The following TMCO4 variants were observed in gnomAD, a reference collection of about 807,000 sequenced individuals.
TMCO4 encodes transmembrane and coiled-coil domain-containing protein 4.
TMCO4 carries 58 observed loss-of-function variants against 64.7 expected under a neutral mutation model. The observed-to-expected ratio is 0.90, with a 90% CI of 0.73 to 1.12. TMCO4 has a LOEUF of 1.12. Ranked by LOEUF, TMCO4 falls within the 50% of genes most tolerant of loss-of-function variation. The probability of loss-of-function intolerance (pLI) is 0.00; values close to 1 mark genes in which losing one functional copy is unlikely to be tolerated. For synonymous variants in TMCO4, 325 were observed against 346.1 expected (o/e 0.94, Z 0.68); for missense variants, 780 against 825.9 (o/e 0.94, Z 0.68).
intron 15 of TMCO4, 41 bp from the exon 16 acceptor site, chr1:19,683,485 A>T: frequency 6.2e-7 from 1 of 1,602,610 alleles, no homozygotes; most frequent in Non-Finnish European, 8.5e-7. Flanking sequence ...GGGTGTGCAG[A>T]GCCCAGCCCT....
intron 6 of TMCO4, among the ~76,000 whole-genome samples, chr1:19,768,874 T>C (rs1165905226): frequency 2.0e-5 from 3 of 152,158 alleles, no homozygotes; most frequent in Non-Finnish European, 4.4e-5. Flanking sequence ...CCGATGCTGC[T>C]GGGTCCACAT....
chr1:19,789,356 T>C (rs2043911623), intron 2 of TMCO4, among the ~76,000 whole-genome samples: 1 of 151,442 alleles, frequency 6.6e-6, no homozygotes, highest in Non-Finnish European at 1.5e-5. Flanking sequence ...GAGCCAAGTA[T>C]GCTCTTGAAT....
intron 6 of TMCO4, among the ~76,000 whole-genome samples, chr1:19,768,068 G>A (rs2042816979): frequency 6.6e-6 from 1 of 150,918 alleles, no homozygotes; most frequent in African/African-American, 2.4e-5. Context: ...ACTCCAGCCT[G>A]GCGGACAAGA....
intron 7 of TMCO4, among the ~76,000 whole-genome samples, chr1:19,748,045 T>C (rs1393001378): frequency 6.6e-6 from 1 of 152,238 alleles, no homozygotes; most frequent in Non-Finnish European, 1.5e-5. Context: ...GGGCTTCTTA[T>C]ATCTCAGCCA....
At chr1:19,738,896 ACAC>A (rs1418990674) in intron 12 of TMCO4, among the ~76,000 whole-genome samples, 1 of 152,230 alleles carries the variant, frequency 6.6e-6, no homozygotes, top group Non-Finnish European at 1.5e-5. Context: ...GGCCAGTGAG[ACAC>A]CAACTGAAAT....
In TMCO4 at chr1:19,710,852, C is replaced by G. The variant is rs78171836; in HGVS notation, c.1265-9967G>C. On this transcript the variant is annotated intron_variant, in intron 13 of 15. Coordinates refer to ENST00000294543, the MANE Select transcript of TMCO4 (RefSeq NM_181719.7). ...TAGAATTTCCTAAAAGATTAATATC[C>G]CGATGTATAGACCCGGCCAAGAGCA... Among the ~76,000 whole-genome samples the G allele has an allele frequency of 2.9e-3, 434 of 152,268 alleles. 8 individuals are homozygous for G. The East Asian group carries it at 0.035, about 12-fold the overall frequency.
intron 2 of TMCO4, among the ~76,000 whole-genome samples, chr1:19,797,861 CAA>C (rs554180355): frequency 9.0e-5 from 4 of 44,284 alleles, no homozygotes; most frequent in Admixed American, 2.8e-4. Context: ...GAGACTCTGT[CAA>C]AAAAAAAAAA....
At chr1:19,766,916 C>G (rs2042761436) in intron 6 of TMCO4, among the ~76,000 whole-genome samples, 1 of 152,160 alleles carries the variant, frequency 6.6e-6, no homozygotes, top group Admixed American at 6.5e-5. Flanking sequence ...GTCTACCTAC[C>G]TCTGATCTCT....
At chr1:19,716,578 G>C (rs1010057498) in intron 13 of TMCO4, among the ~76,000 whole-genome samples, 3 of 151,678 alleles carry the variant, frequency 2.0e-5, no homozygotes, top group Admixed American at 6.6e-5. Context: ...ACAGATAAAG[G>C]GTCAGTAGAA....
intron 12 of TMCO4, among the ~76,000 whole-genome samples, chr1:19,737,886 G>T (rs2095462886): frequency 6.6e-6 from 1 of 152,214 alleles, no homozygotes; most frequent in Admixed American, 6.5e-5. Flanking sequence ...AGGTGTGAGG[G>T]GTAAAAAGGC....
chr1:19,778,170 C>A (rs147229038), intron 4 of TMCO4, among the ~76,000 whole-genome samples: 158 of 152,320 alleles, frequency 1.0e-3, no homozygotes, highest in South Asian at 6.0e-3. Context: ...AGCAAGCAAC[C>A]ACTACCATTT....
At chr1:19,780,857 G>T in intron 3 of TMCO4, 91 bp from the exon 4 acceptor site, 1 of 1,074,734 alleles carries the variant, frequency 9.3e-7, no homozygotes, top group Non-Finnish European at 1.3e-6. Flanking sequence ...ATAAAAGGTT[G>T]ATAAAGTAGG....
chr1:19,799,794 G>A (rs1302991294), intron 1 of TMCO4, 61 bp downstream of exon 1: 1 of 152,084 alleles, frequency 6.6e-6, no homozygotes, highest in African/African-American at 2.4e-5. Flanking sequence ...GGGGCCGGCG[G>A]GGAGTGGCCC....
intron 7 of TMCO4, among the ~76,000 whole-genome samples, chr1:19,749,834 C>G (rs958103776): frequency 1.3e-5 from 2 of 152,196 alleles, no homozygotes; most frequent in East Asian, 3.8e-4. Flanking sequence ...AAAGTATGAA[C>G]AAGAAATACA....
Position 19,784,766 on chromosome 1 carries a change from C to T in TMCO4, c.-9+2260G>A, listed in dbSNP as rs573135919. 3.6e-5 allele frequency among the ~76,000 whole-genome samples: 3 copies of T among 83,694 alleles called. No homozygotes were observed. In the Admixed American group the frequency reaches 3.6e-4, roughly 10 times the overall value. 54.9% of individuals were successfully genotyped at this position (83,694 alleles called of 152,430 possible). A position where few individuals can be genotyped will look rare whatever the true frequency, so the allele number is the denominator to read the frequency against. On this transcript the variant is annotated intron_variant, in intron 3 of 15. Transcript: ENST00000294543. ...CTAAGAGGGGTGTCCAATCTTTTGG[C>T]TTCCCTGGGCTACACTGGAAGAAGA...
chr1:19,726,789 T>C (rs957148594), intron 13 of TMCO4, among the ~76,000 whole-genome samples: 4 of 152,226 alleles, frequency 2.6e-5, no homozygotes, highest in Middle Eastern at 3.4e-3. Context: ...AAGGAATCAG[T>C]TGATCTTACA....
chr1:19,789,193 G>A (rs2043903410), intron 2 of TMCO4, among the ~76,000 whole-genome samples: 1 of 152,150 alleles, frequency 6.6e-6, no homozygotes, highest in African/African-American at 2.4e-5. Context: ...CCTGAGTTGA[G>A]AAGCTCGAGA....
intron 6 of TMCO4, among the ~76,000 whole-genome samples, chr1:19,759,198 C>A (rs925931195): frequency 6.6e-6 from 1 of 151,980 alleles, no homozygotes; most frequent in South Asian, 2.1e-4. Flanking sequence ...TTCCCTGTCC[C>A]GACATGTAAC....
chr1:19,683,380 G>T lies in TMCO4; in HGVS notation c.1565C>A (p.Thr522Asn), dbSNP rs758112231. ...CCCCTTCTCGTCCCAGCCTGGCTTG[G>T]TGCGGATGCCCACGGCCTTCAGGAT... ...DAILKAVGIRTKPGWDEKGLL... is the reference protein window; with the variant it reads ...DAILKAVGIRNKPGWDEKGLL... The change falls in exon 16 of 16, where the codon ACC becomes AAC. Residue 522 changes from threonine to asparagine, a missense_variant. Coordinates refer to ENST00000294543, the MANE Select transcript of TMCO4 (RefSeq NM_181719.7). 8.7e-6 allele frequency: 14 copies of T among 1,613,730 alleles called. No individual in the cohort carries two copies. The South Asian group carries it at 1.5e-4, about 18-fold the overall frequency.
Sources: allele counts gnomAD v4.1 joint callset (sites outside exome capture counted in the v4.1 genomes callset), GRCh38; gene constraint gnomAD v4.1.1; transcripts MANE v1.5; gene names NCBI Gene and HGNC (gene_info 2026-07-23, HGNC 2026-07-21).